Variants in CNTN5 observed in about 807,000 individuals in gnomAD.
The protein encoded by CNTN5 is contactin 5.
Under a neutral mutation model 129.1 loss-of-function variants are expected in CNTN5, and 77 were observed. That is an observed-to-expected ratio of 0.60 (90% CI 0.50 to 0.72). CNTN5 has a LOEUF of 0.72. CNTN5 is among the 30% of genes least tolerant of loss of function. The pLI is 0.00. For synonymous variants in CNTN5, 509 were observed against 465.6 expected (o/e 1.09, Z -1.20); for missense variants, 1,478 against 1,328.8 (o/e 1.11, Z -1.75).
At chr11:99,376,807 A>G (rs1940212352) in intron 2 of CNTN5, among the ~76,000 whole-genome samples, 1 of 152,194 alleles carries the variant, frequency 6.6e-6, no homozygotes, top group African/African-American at 2.4e-5. Flanking sequence ...TAATTCCTAC[A>G]TTTCCAAATC....
At chr11:100,263,310 C>A (rs1433956467) in intron 17 of CNTN5, among the ~76,000 whole-genome samples, 1 of 152,078 alleles carries the variant, frequency 6.6e-6, no homozygotes, top group African/African-American at 2.4e-5. Context: ...CACGCAGTAA[C>A]CTTAAAACTC....
rs1455300976 is a variant in CNTN5 at position 100,305,423 on chromosome 11, G to T, written c.2621-2936G>T. On this transcript the variant is annotated intron_variant, in intron 20 of 24. Coordinates refer to ENST00000524871, the MANE Select transcript of CNTN5 (RefSeq NM_014361.4). ...CTAACCCTCATCGGCCAACACTCAA[G>T]AATTCAGGCTTCATACTGTCTCCTT... 2.0e-5 allele frequency among the ~76,000 whole-genome samples: 3 copies of T among 151,582 alleles called. No individual in the cohort carries two copies. The East Asian group carries it at 5.8e-4, about 30-fold the overall frequency.
chr11:99,505,087 A>G (rs1362158126), intron 2 of CNTN5, among the ~76,000 whole-genome samples: 1 of 152,048 alleles, frequency 6.6e-6, no homozygotes, highest in Non-Finnish European at 1.5e-5. Flanking sequence ...TCAAGACTCA[A>G]TTGTGTTCCA....
At chr11:99,181,099 G>A (rs190009124) in intron 1 of CNTN5, among the ~76,000 whole-genome samples, 81 of 152,246 alleles carry the variant, frequency 5.3e-4, no homozygotes, top group African/African-American at 1.8e-3. Context: ...CTGTGATGGG[G>A]TACCACCACC....
intron 2 of CNTN5, among the ~76,000 whole-genome samples, chr11:99,428,713 CCATTA>C (rs146027710): frequency 0.028 from 4,319 of 152,002 alleles, 68 homozygotes; most frequent in Middle Eastern, 0.072. Flanking sequence ...AGCATTTATT[CCATTA>C]CATTTCCCTA....
At chr11:99,208,167 A>G (rs1281481327) in intron 1 of CNTN5, among the ~76,000 whole-genome samples, 2 of 152,174 alleles carry the variant, frequency 1.3e-5, no homozygotes, top group Non-Finnish European at 2.9e-5. Context: ...AGCATTTATA[A>G]ACAGGCTTTG....
intron 2 of CNTN5, among the ~76,000 whole-genome samples, chr11:99,390,558 A>G (rs1174150789): frequency 6.6e-6 from 1 of 152,206 alleles, no homozygotes; most frequent in East Asian, 1.9e-4. Flanking sequence ...TCAGATTCAC[A>G]CCATATTATG....
intron 1 of CNTN5, among the ~76,000 whole-genome samples, chr11:99,131,356 C>A (rs1038502818): frequency 1.3e-5 from 2 of 150,676 alleles, no homozygotes; most frequent in African/African-American, 4.9e-5. Context: ...ACTAGAGAAC[C>A]AAGAGCAAAG....
intron 13 of CNTN5, among the ~76,000 whole-genome samples, chr11:100,086,642 G>A (rs780791747): frequency 1.1e-4 from 16 of 151,068 alleles, no homozygotes; most frequent in African/African-American, 2.9e-4. Context: ...TGTAAATACC[G>A]AACTAGAAAT....
At chr11:99,592,529 G>A (rs886286079) in intron 3 of CNTN5, among the ~76,000 whole-genome samples, 2 of 152,106 alleles carry the variant, frequency 1.3e-5, no homozygotes, top group East Asian at 1.9e-4. Context: ...ATGGGAAGAC[G>A]CCAAGCTGGA....
intron 7 of CNTN5, among the ~76,000 whole-genome samples, chr11:99,940,857 G>A (rs565998240): frequency 6.6e-6 from 1 of 152,096 alleles, no homozygotes; most frequent in South Asian, 2.1e-4. Context: ...AAAGACTCAG[G>A]CTAAGTTAAA....
chr11:100,182,610 A>G (rs1439777364), intron 13 of CNTN5, among the ~76,000 whole-genome samples: 1 of 152,114 alleles, frequency 6.6e-6, no homozygotes, highest in Non-Finnish European at 1.5e-5. Flanking sequence ...AAAATAAATA[A>G]ATAGTAAGAT....
intron 2 of CNTN5, among the ~76,000 whole-genome samples, chr11:99,432,510 C>CTTTTCTT (rs1182136467): frequency 1.3e-5 from 1 of 76,024 alleles, no homozygotes; most frequent in African/African-American, 4.7e-5. Flanking sequence ...TTTTCTTTCT[C>CTTTTCTT]TCTCTCTGTC....
intron 6 of CNTN5, among the ~76,000 whole-genome samples, chr11:99,911,130 CACTT>C (rs1390636873): frequency 6.6e-6 from 1 of 152,014 alleles, no homozygotes; most frequent in Non-Finnish European, 1.5e-5. Flanking sequence ...TTGTCTCTGA[CACTT>C]AGTCTAATAT....
At chr11:99,828,262 C>G (rs1329343927) in intron 4 of CNTN5, among the ~76,000 whole-genome samples, 1 of 152,114 alleles carries the variant, frequency 6.6e-6, no homozygotes, top group Non-Finnish European at 1.5e-5. Context: ...TCTTTGTAAA[C>G]TAATGATAGC....
chr11:99,766,554 C>T (rs923414892), intron 3 of CNTN5, among the ~76,000 whole-genome samples: 5 of 151,910 alleles, frequency 3.3e-5, no homozygotes, highest in Non-Finnish European at 7.4e-5. Context: ...AAAGACTACC[C>T]CTTATCAAAA....
At chr11:99,394,729 A>G (rs1437929825) in intron 2 of CNTN5, among the ~76,000 whole-genome samples, 4 of 151,178 alleles carry the variant, frequency 2.6e-5, no homozygotes, top group African/African-American at 9.7e-5. Flanking sequence ...CACTTTGTAT[A>G]GTTCCCCTCC....
At chr11:99,628,397 A>G (rs1334607727) in intron 3 of CNTN5, among the ~76,000 whole-genome samples, 1 of 152,080 alleles carries the variant, frequency 6.6e-6, no homozygotes, top group African/African-American at 2.4e-5. Flanking sequence ...TACTTGGGAA[A>G]TTATGCCAGT....
At chr11:99,668,573 A>G (rs955297463) in intron 3 of CNTN5, among the ~76,000 whole-genome samples, 4 of 151,898 alleles carry the variant, frequency 2.6e-5, no homozygotes, top group East Asian at 4.0e-4. Context: ...TTGAACCAGA[A>G]AAAAACATTA....
Sources: allele counts gnomAD v4.1 joint callset (sites outside exome capture counted in the v4.1 genomes callset), GRCh38; gene constraint gnomAD v4.1.1; transcripts MANE v1.5; gene names NCBI Gene and HGNC (gene_info 2026-07-23, HGNC 2026-07-21).